The following LYPLAL1 variants were observed in gnomAD, a reference collection of about 807,000 sequenced individuals.
LYPLAL1 encodes the protein lysophospholipase-like protein 1.
LYPLAL1 carries 23 observed loss-of-function variants against 19.7 expected under a neutral mutation model. The ratio of observed to expected loss-of-function variants is 1.17; its 90% CI spans 0.84 to 1.65. The LOEUF (loss-of-function observed/expected upper bound fraction) is 1.65, where lower values mean the gene tolerates loss of function less well. Among genes scored for constraint, LYPLAL1 ranks in the 40% most tolerant of loss-of-function variants. LYPLAL1 has a pLI of 0.00. For missense variants in LYPLAL1, 355 were observed against 279.4 expected, an observed-to-expected ratio of 1.27 and a Z score of -1.93; for synonymous variants, 119 against 96.3, an observed-to-expected ratio of 1.24 and a Z score of -1.38.
the LYPLAL1 span, among the ~76,000 whole-genome samples, chr1:219,414,471 T>C: frequency 8.5e-5 from 13 of 152,196 alleles, no homozygotes; most frequent in Non-Finnish European, 1.9e-4. Flanking sequence ...CTAGTTGTTA[T>C]TTGAACATTC....
At chr1:219,182,664 T>C (rs546717255) in intron 2 of LYPLAL1, among the ~76,000 whole-genome samples, 1 of 152,262 alleles carries the variant, frequency 6.6e-6, no homozygotes, top group South Asian at 2.1e-4. Flanking sequence ...CTTTCTGATA[T>C]TGTCCACATT....
the LYPLAL1 span, among the ~76,000 whole-genome samples, chr1:219,267,445 C>T: frequency 6.6e-6 from 1 of 152,152 alleles, no homozygotes; most frequent in African/African-American, 2.4e-5. Flanking sequence ...GATGAAGCCC[C>T]AGTAAACTCA....
the LYPLAL1 span, among the ~76,000 whole-genome samples, chr1:219,403,487 C>T: frequency 6.6e-6 from 1 of 152,070 alleles, no homozygotes; most frequent in Non-Finnish European, 1.5e-5. Context: ...GAACTGGGAT[C>T]ACAAGAGGAG....
the LYPLAL1 span, among the ~76,000 whole-genome samples, chr1:219,327,887 C>T: frequency 3.3e-5 from 5 of 152,300 alleles, no homozygotes; most frequent in East Asian, 1.9e-4. Flanking sequence ...TCCCCAGCCA[C>T]GTGAAACTGA....
At chr1:219,284,432 G>T in the LYPLAL1 span, among the ~76,000 whole-genome samples, 1 of 152,094 alleles carries the variant, frequency 6.6e-6, no homozygotes, top group Non-Finnish European at 1.5e-5. Context: ...TACCCCATTT[G>T]TCCTGATGTG....
chr1:219,306,093 C>A, the LYPLAL1 span, among the ~76,000 whole-genome samples: 11 of 152,264 alleles, frequency 7.2e-5, no homozygotes, highest in South Asian at 2.3e-3. Context: ...TAGTTCACAT[C>A]AATCATACAG....
chr1:219,263,870 GT>G, the LYPLAL1 span, among the ~76,000 whole-genome samples: 2 of 152,140 alleles, frequency 1.3e-5, no homozygotes, highest in Admixed American at 6.5e-5. Context: ...GGAACTCACA[GT>G]TTTTTGGCTA....
At chr1:219,344,932 G>A in the LYPLAL1 span, among the ~76,000 whole-genome samples, 1 of 151,902 alleles carries the variant, frequency 6.6e-6, no homozygotes, top group Non-Finnish European at 1.5e-5. Context: ...TTCTGAGATG[G>A]CTTCTTAACA....
chr1:219,247,667 TG>T, the LYPLAL1 span, among the ~76,000 whole-genome samples: 1,980 of 152,302 alleles, frequency 0.013, 39 homozygotes, highest in African/African-American at 0.045. Context: ...TATGACTATG[TG>T]GGTTAAAATG....
At chr1:219,437,019 T>C in the LYPLAL1 span, 1 of 152,236 alleles carries the variant, frequency 6.6e-6, no homozygotes, top group Non-Finnish European at 1.5e-5. Context: ...GAGAAAACTC[T>C]GGGTGCCTGT....
chr1:219,209,136 C>CT (rs1326254188), intron 3 of LYPLAL1, among the ~76,000 whole-genome samples: 1 of 152,036 alleles, frequency 6.6e-6, no homozygotes, highest in Non-Finnish European at 1.5e-5. Flanking sequence ...TTGAAAGAGC[C>CT]TTTCAGGTGG....
chr1:219,393,923 C>T, the LYPLAL1 span, among the ~76,000 whole-genome samples: 1 of 151,406 alleles, frequency 6.6e-6, no homozygotes, highest in Admixed American at 6.6e-5. Context: ...AAAATATGTT[C>T]TACTAGAAAA....
chr1:219,389,151 C>T, the LYPLAL1 span, among the ~76,000 whole-genome samples: 1 of 152,094 alleles, frequency 6.6e-6, no homozygotes, highest in African/African-American at 2.4e-5. Flanking sequence ...TTCATTCTGG[C>T]TCTATCTTTG....
At chr1:219,260,247 A>G in the LYPLAL1 span, among the ~76,000 whole-genome samples, 1 of 151,902 alleles carries the variant, frequency 6.6e-6, no homozygotes, top group Non-Finnish European at 1.5e-5. Context: ...TTGGTATTAA[A>G]GAAAAAAAAT....
At chr1:219,277,060 A>G in the LYPLAL1 span, among the ~76,000 whole-genome samples, 2 of 152,202 alleles carry the variant, frequency 1.3e-5, no homozygotes. Flanking sequence ...TTAGCAGTAG[A>G]TATCAGAGGT....
chr1:219,306,815 G>GACAGATGC, the LYPLAL1 span, among the ~76,000 whole-genome samples: 1 of 77,696 alleles, frequency 1.3e-5, no homozygotes, highest in African/African-American at 6.0e-5. Context: ...GATAGATATA[G>GACAGATGC]ATAGATAGAT....
chr1:219,341,169 C>T, the LYPLAL1 span, among the ~76,000 whole-genome samples: 1 of 152,090 alleles, frequency 6.6e-6, no homozygotes. Context: ...CAAGACACAG[C>T]CTGTTTATTA....
At chr1:219,363,311 A>G in the LYPLAL1 span, among the ~76,000 whole-genome samples, 3 of 152,180 alleles carry the variant, frequency 2.0e-5, no homozygotes, top group African/African-American at 4.8e-5. Context: ...CACTTGAAAT[A>G]TGCCTAGTAA....
At chr1:219,354,813 T>TA in the LYPLAL1 span, among the ~76,000 whole-genome samples, 15 of 151,946 alleles carry the variant, frequency 9.9e-5, no homozygotes, top group African/African-American at 2.9e-4. Context: ...CTCAAATTTA[T>TA]AAAAAAAATT....
Sources: allele counts gnomAD v4.1 joint callset (sites outside exome capture counted in the v4.1 genomes callset), GRCh38; gene constraint gnomAD v4.1.1; transcripts MANE v1.5; gene names NCBI Gene and HGNC (gene_info 2026-07-23, HGNC 2026-07-21).